MYO6: variants seen among roughly 807,000 people sequenced by gnomAD.
The protein encoded by MYO6 is myosin VI.
Under a neutral mutation model 178.7 loss-of-function variants are expected in MYO6, and 74 were observed. The ratio of observed to expected loss-of-function variants is 0.41; its 90% CI spans 0.34 to 0.50. The LOEUF is 0.50. MYO6 is among the 20% of genes least tolerant of loss of function. MYO6 has a pLI of 0.09. For synonymous variants in MYO6, 477 were observed against 504.6 expected (o/e 0.95, Z 0.73); for missense variants, 1,330 against 1,547.4 (o/e 0.86, Z 2.36).
intron 1 of MYO6, among the ~76,000 whole-genome samples, chr6:75,751,944 A>G (rs1173569340): frequency 6.6e-6 from 1 of 152,104 alleles, no homozygotes; most frequent in Admixed American, 6.6e-5. Flanking sequence ...TAAAATATCT[A>G]AAAATATTGG....
chr6:75,905,129 G>A (rs1004758477), intron 30 of MYO6, among the ~76,000 whole-genome samples: 4 of 152,208 alleles, frequency 2.6e-5, no homozygotes, highest in South Asian at 2.1e-4. Flanking sequence ...CTCTCTTCAA[G>A]GCTGTCAGAC....
intron 16 of MYO6, 131 bp from the exon 17 acceptor site, chr6:75,866,395 C>T: frequency 1.5e-6 from 1 of 674,400 alleles, no homozygotes; most frequent in South Asian, 1.6e-5. Context: ...TACATAAAAG[C>T]AGTATAATTG....
At chr6:75,881,598 A>T in intron 22 of MYO6, 91 bp from the exon 23 acceptor site, 1 of 1,309,842 alleles carries the variant, frequency 7.6e-7, no homozygotes, top group South Asian at 1.2e-5. Flanking sequence ...AGACAGTTAG[A>T]TTTTGGATTT....
At chr6:75,879,531 A>G (rs1777846686) in intron 20 of MYO6, among the ~76,000 whole-genome samples, 2 of 150,664 alleles carry the variant, frequency 1.3e-5, no homozygotes, top group Non-Finnish European at 2.9e-5. Flanking sequence ...TACTGGGATT[A>G]TAGGCATGAG....
rs191996653 is a variant in MYO6 at position 75,870,901 on chromosome 6, A to G, written c.1983+216A>G. Among the ~76,000 whole-genome samples the G allele has an allele frequency of 2.6e-5, 4 of 152,272 alleles. No homozygotes were observed. The East Asian group carries it at 7.7e-4, about 29-fold the overall frequency. ...TATATAGAATTCTTGACTATTTAAA[A>G]ATTAAGATTATCTTACAGTTTCAAG... is the stretch of plus-strand genomic sequence containing the variant. On this transcript the variant is annotated intron_variant, in intron 19 of 34. Coordinates refer to ENST00000369977, the MANE Select transcript of MYO6 (RefSeq NM_004999.4).
At chr6:75,860,967 A>G (rs1289112266) in intron 14 of MYO6, 56 bp from the exon 15 acceptor site, 4 of 1,278,084 alleles carry the variant, frequency 3.1e-6, no homozygotes, top group Admixed American at 1.7e-5. Context: ...AAACAGTGCA[A>G]AATTCACTAT....
rs1773858488 is a variant in MYO6 at position 75,838,327 on chromosome 6, T to C, written c.554-2258T>C. On this transcript the variant is annotated intron_variant, in intron 7 of 34. Coordinates refer to ENST00000369977, the MANE Select transcript of MYO6 (RefSeq NM_004999.4). ...CTGCCTCAGCCTCCCAAAGTGTTGG[T>C]ATTACAGGTGTGAACCACTGCACCC... is the stretch of plus-strand genomic sequence containing the variant. Among the ~76,000 whole-genome samples the C allele has an allele frequency of 2.0e-5, 3 of 151,962 alleles. No homozygotes were observed. The South Asian group carries it at 6.2e-4, about 32-fold the overall frequency.
chr6:75,850,983 T>A (rs562811865), intron 11 of MYO6, among the ~76,000 whole-genome samples: 20 of 152,210 alleles, frequency 1.3e-4, no homozygotes, highest in Non-Finnish European at 2.4e-4. Context: ...AAAATTTGTT[T>A]TGAAAATGTA....
At chr6:75,771,478 A>C (rs1765892014) in intron 1 of MYO6, among the ~76,000 whole-genome samples, 1 of 152,226 alleles carries the variant, frequency 6.6e-6, no homozygotes, top group African/African-American at 2.4e-5. Flanking sequence ...CAGTAACTGT[A>C]TTTAGATATT....
At chr6:75,753,531 G>A (rs889017841) in intron 1 of MYO6, among the ~76,000 whole-genome samples, 1 of 149,958 alleles carries the variant, frequency 6.7e-6, no homozygotes, top group Non-Finnish European at 1.5e-5. Flanking sequence ...GCATGATCTC[G>A]GCTTACTGCA....
At position 75,830,472 on chromosome 6, in the gene MYO6, A is replaced by G. The variant is rs1321696621; in HGVS notation, c.318A>G (p.Ile106Met). 3 of 1,612,328 alleles carry G rather than the reference A, an allele frequency of 1.9e-6. No individual in the cohort carries two copies. Among genetic ancestry groups the G allele is most frequent in the Middle Eastern group, 1.7e-4 (1 of 6,050 alleles). Reference protein sequence around the residue: ...AVNPYFDIPKIYSSEAIKSYQ... With the variant: ...AVNPYFDIPKMYSSEAIKSYQ... ...ATCCATACTTTGACATACCTAAAAT[A>G]TATTCTTCAGAAGCAATAAAGTCAT... The change falls in exon 5 of 35, where the codon ATA becomes ATG. Residue 106 changes from isoleucine to methionine, a missense_variant. By Grantham distance (10) the Ile-to-Met change is conservative (BLOSUM62 1). Transcript: ENST00000369977.
At position 75,895,080 on chromosome 6, in the gene MYO6, A is replaced by G. The variant is rs3798427; in HGVS notation, c.3108-151A>G. ...TCATTTTTAATGAATACTTAAAAAT[A>G]TATTAAAATTCTGAGTGATCTCATG... On this transcript the variant is annotated intron_variant, in intron 28 of 34. Transcript: ENST00000369977. 0.44 allele frequency: 277,702 copies of G among 636,908 alleles called. 63,335 individuals carry two copies. Among genetic ancestry groups the G allele is most frequent in the Middle Eastern group, 0.52 (1,277 of 2,458 alleles). 39.5% of individuals were successfully genotyped at this position (636,908 alleles called of 1,614,324 possible).
intron 11 of MYO6, among the ~76,000 whole-genome samples, chr6:75,852,209 G>A (rs1192176483): frequency 6.6e-6 from 1 of 151,718 alleles, no homozygotes. Context: ...TTATTTGATG[G>A]TCAATTTTTT....
Position 75,833,203 on chromosome 6 carries a change from G to A in MYO6, c.497+256G>A, listed in dbSNP as rs142748049. Among the ~76,000 whole-genome samples the A allele has an allele frequency of 7.0e-4, 107 of 152,310 alleles. 1 individual carries two copies. The highest frequency in any genetic ancestry group is 2.3e-3 in the African/African-American group (97 of 41,574). The stretch of plus-strand genomic sequence containing the variant: ...AAGTCTTACTGTGTTGCCTAGGCTG[G>A]TTTCGAATTTCTGGGCTGGGCTTGA... On this transcript the variant is annotated intron_variant, in intron 6 of 34. Coordinates refer to ENST00000369977, the MANE Select transcript of MYO6 (RefSeq NM_004999.4).
At position 75,752,570 on chromosome 6, in the gene MYO6, G is replaced by A. The variant is rs150739977; in HGVS notation, c.-48+3147G>A. On this transcript the variant is annotated intron_variant, in intron 1 of 34. Transcript: ENST00000369977. ...TTTTCCACCAGAACAGTTTGCCTTG[G>A]TTTCAGTTCACTTGGTGGACTGTTT... Among the ~76,000 whole-genome samples the A allele has an allele frequency of 4.3e-4, 66 of 152,274 alleles. No individual in the cohort carries two copies. The East Asian group carries it at 0.012, about 28-fold the overall frequency.
intron 14 of MYO6, among the ~76,000 whole-genome samples, 173 bp from the exon 15 acceptor site, chr6:75,860,850 T>G (rs931996803): frequency 6.6e-6 from 1 of 152,340 alleles, no homozygotes; most frequent in South Asian, 2.1e-4. Context: ...TTACCTTTAG[T>G]GCCTGTCTGC....
intron 1 of MYO6, among the ~76,000 whole-genome samples, chr6:75,763,884 A>G (rs1490993390): frequency 2.0e-5 from 3 of 152,200 alleles, no homozygotes; most frequent in Non-Finnish European, 4.4e-5. Flanking sequence ...ACCAGGTAAA[A>G]TACTTATTTC....
At position 75,862,520 on chromosome 6, in the gene MYO6, G is replaced by A. The variant is rs887532340; in HGVS notation, c.1547-76G>A. On this transcript the variant is annotated intron_variant, in intron 15 of 34. Transcript: ENST00000369977. ...TTTCTGATCAGTCCTTGAAATCTGT[G>A]ATTAGTGAATTGTTCACATATCTTT... The A allele has an allele frequency of 1.0e-5, 13 of 1,302,148 alleles. No individual in the cohort carries two copies. The East Asian group carries it at 3.1e-4, about 31-fold the overall frequency. The allele number at this position is 1,302,148 out of a possible 1,614,324, so 80.7% of individuals were successfully genotyped here. A position where few individuals can be genotyped will look rare whatever the true frequency, so the allele number is the denominator to read the frequency against.
At chr6:75,794,339 A>T (rs992501581) in intron 1 of MYO6, among the ~76,000 whole-genome samples, 5 of 152,168 alleles carry the variant, frequency 3.3e-5, no homozygotes, top group Middle Eastern at 3.2e-3. Context: ...AGCACAATGA[A>T]TTCAAGCAAC....
Sources: allele counts gnomAD v4.1 joint callset (sites outside exome capture counted in the v4.1 genomes callset), GRCh38; gene constraint gnomAD v4.1.1; transcripts MANE v1.5; gene names NCBI Gene and HGNC (gene_info 2026-07-23, HGNC 2026-07-21).